Variants in AJAP1 observed in about 807,000 individuals in gnomAD.
The protein encoded by AJAP1 is adherens junction-associated protein 1.
AJAP1 carries 5 observed loss-of-function variants against 35.0 expected under a neutral mutation model. The observed-to-expected ratio is 0.14, with a 90% confidence interval of 0.07 to 0.30. AJAP1 has a LOEUF of 0.30. AJAP1 is among the 10% of genes least tolerant of loss of function. The pLI, the probability that AJAP1 is intolerant of heterozygous loss-of-function variation, is 1.00. For synonymous variants in AJAP1, 284 were observed against 249.3 expected, an observed-to-expected ratio of 1.14 and a Z score of -1.31; for missense variants, 586 against 571.0, an observed-to-expected ratio of 1.03 and a Z score of -0.27.
At chr1:4,774,314 T>G in intron 4 of AJAP1, 113 bp from the exon 5 acceptor site, 3 of 961,988 alleles carry the variant, frequency 3.1e-6, no homozygotes, top group Non-Finnish European at 5.0e-6. Flanking sequence ...GAGTCCACAT[T>G]AGTGCTTCCT....
At chr1:4,658,548 A>C (rs1638933192) in intron 1 of AJAP1, among the ~76,000 whole-genome samples, 1 of 152,152 alleles carries the variant, frequency 6.6e-6, no homozygotes, top group East Asian at 1.9e-4. Flanking sequence ...AATTGATTGC[A>C]ACTGGAATCT....
rs186655675 is a variant in AJAP1, at chr1:4,727,426, T to C, written c.829+14727T>C. On this transcript the variant is annotated intron_variant, in intron 2 of 5. Coordinates refer to ENST00000378191, the MANE Select transcript of AJAP1 (RefSeq NM_018836.4). Reference sequence around the variant, plus strand: ...AATGTCTCCCTTAAATGGCGTTGACTGCACAGGCACGTGGACCAGGGCCTC... The same window carrying C: ...AATGTCTCCCTTAAATGGCGTTGACCGCACAGGCACGTGGACCAGGGCCTC... Among the ~76,000 whole-genome samples, 434 of 152,348 alleles carry C rather than the reference T, an allele frequency of 2.8e-3. 2 individuals carry two copies. The highest frequency in any genetic ancestry group is 3.0e-3 in the Non-Finnish European group (206 of 68,026).
chr1:4,661,341 G>A (rs773207442), intron 1 of AJAP1, among the ~76,000 whole-genome samples: 2 of 152,220 alleles, frequency 1.3e-5, no homozygotes, highest in East Asian at 1.9e-4. Context: ...TGATCCAACG[G>A]TGCTAAACTG....
intron 1 of AJAP1, among the ~76,000 whole-genome samples, chr1:4,698,049 C>T (rs1306177906): frequency 1.3e-5 from 2 of 152,240 alleles, no homozygotes; most frequent in African/African-American, 2.4e-5. Flanking sequence ...AGCAGAGCCT[C>T]GCTTCTTTTC....
Position 4,720,154 on chromosome 1 carries a change from G to T in AJAP1, c.829+7455G>T, listed in dbSNP as rs192818043. Among the ~76,000 whole-genome samples, 954 of 152,292 alleles carry T rather than the reference G, an allele frequency of 6.3e-3. 6 individuals are homozygous for T. The highest frequency in any genetic ancestry group is 0.01 in the Non-Finnish European group (696 of 68,026). On this transcript the variant is annotated intron_variant, in intron 2 of 5. Transcript: ENST00000378191. This position sits in a 1 kb window ranked among gnomAD's most constrained non-coding sequence, Gnocchi z 4.4. ...CTCCCCAGGTGGTCACTGACACTCA[G>T]TCCCGGAGACTCAGCCAAATTCAGA...
At chr1:4,697,088 G>C (rs1639880607) in intron 1 of AJAP1, among the ~76,000 whole-genome samples, 1 of 152,210 alleles carries the variant, frequency 6.6e-6, no homozygotes, top group South Asian at 2.1e-4. Flanking sequence ...CTATGTGCCT[G>C]TGTTTTCTGT....
chr1:4,776,050 C>T (rs1641933700), intron 5 of AJAP1, among the ~76,000 whole-genome samples: 1 of 152,234 alleles, frequency 6.6e-6, no homozygotes, highest in African/African-American at 2.4e-5. Flanking sequence ...ATTCATTGAC[C>T]TGGGAGATGC....
intron 2 of AJAP1, among the ~76,000 whole-genome samples, chr1:4,765,250 G>A (rs1641653994): frequency 6.6e-6 from 1 of 152,214 alleles, no homozygotes; most frequent in South Asian, 2.1e-4. Context: ...GAAGTGGAGA[G>A]GGAAAAGTTT....
rs373334020 is a variant in AJAP1 at position 4,715,902 on chromosome 1, C to T, written c.829+3203C>T. ...GTTTTATCATCTCAGACACAGCCAG[C>T]TTTGCCACATACTGGGGGGCACCCC... On this transcript the variant is annotated intron_variant, in intron 2 of 5. Transcript: ENST00000378191. Among the ~76,000 whole-genome samples the T allele has an allele frequency of 1.6e-4, 24 of 152,328 alleles. No homozygotes were observed. In the South Asian group the frequency reaches 4.1e-3, roughly 26 times the overall value.
chr1:4,765,298 C>T (rs1641659030), intron 2 of AJAP1, among the ~76,000 whole-genome samples: 2 of 152,168 alleles, frequency 1.3e-5, no homozygotes, highest in African/African-American at 4.8e-5. Context: ...AGAGAGTGTG[C>T]TCCCTTTAGG....
rs749961477 is a variant in AJAP1 at position 4,772,507 on chromosome 1, C to G, written c.1145C>G (p.Ser382Cys). The change falls in exon 4 of 6, where the codon TCC becomes TGC. Residue 382 changes from serine (S) to cysteine (C), a missense_variant. Coordinates refer to ENST00000378191, the MANE Select transcript of AJAP1 (RefSeq NM_018836.4). ...CACTCGACGACGGGGGAGTACAAAT[C>G]CACATTTAATGGAAACCGGTAAGCT... ...TLHSTTGEYK[S>C]TFNGNRPSSS... 6.2e-7 allele frequency: 1 copy of G among 1,614,104 alleles called. No homozygotes were observed. The highest frequency in any genetic ancestry group is 1.1e-5 in the South Asian group (1 of 91,072).
chr1:4,779,372 G>A lies in AJAP1; in HGVS notation c.*60-3173G>A, dbSNP rs1382596984. ...TTTTTTTGAGACAGAGTCTCGCTCT[G>A]TCGCCCAGGCTGGAGTGCAGTGGCT... On this transcript the variant is annotated intron_variant, in intron 5 of 5. Transcript: ENST00000378191. 2.7e-5 allele frequency among the ~76,000 whole-genome samples: 4 copies of A among 147,982 alleles called. No individual in the cohort carries two copies. In the South Asian group the frequency reaches 6.5e-4, roughly 24 times the overall value.
rs1642099088 is a variant in AJAP1 at position 4,783,213 on chromosome 1, A to G, written c.*728A>G. 7.6e-6 allele frequency: 1 copy of G among 131,312 alleles called. No homozygotes were observed. Among genetic ancestry groups the G allele is most frequent in the African/African-American group, 4.4e-5 (1 of 22,712 alleles). The allele number at this position is 131,312 out of a possible 1,614,324, so 8.1% of individuals were successfully genotyped here. A position where few individuals can be genotyped will look rare whatever the true frequency, so the allele number is the denominator to read the frequency against. ...AACTCACGTCACACACATATTACAC[A>G]CATGTGCGCATTACACACACACAAT... On this transcript the variant is annotated 3_prime_UTR_variant, in exon 6 of 6. Transcript: ENST00000378191.
intron 5 of AJAP1, among the ~76,000 whole-genome samples, chr1:4,780,540 C>T (rs1642037751): frequency 6.6e-6 from 1 of 151,916 alleles, no homozygotes; most frequent in Non-Finnish European, 1.5e-5. Flanking sequence ...GGGTGGGGCA[C>T]AGCTGGAGTA....
chr1:4,676,005 T>C (rs1437426281), intron 1 of AJAP1, among the ~76,000 whole-genome samples: 1 of 152,328 alleles, frequency 6.6e-6, no homozygotes, highest in East Asian at 1.9e-4. Flanking sequence ...AAGCCCGTCT[T>C]GTGGGCTCCC....
intron 2 of AJAP1, among the ~76,000 whole-genome samples, chr1:4,724,913 G>A (rs1640613722): frequency 6.6e-6 from 1 of 152,212 alleles, no homozygotes; most frequent in Admixed American, 6.5e-5. Flanking sequence ...CACACTGGAG[G>A]GAGGTACAGT....
intron 2 of AJAP1, among the ~76,000 whole-genome samples, chr1:4,718,666 A>G (rs1355569244): frequency 1.3e-5 from 2 of 152,020 alleles, no homozygotes; most frequent in African/African-American, 4.8e-5. Context: ...TATTTTTAGT[A>G]GAGACAGGGT....
intron 2 of AJAP1, among the ~76,000 whole-genome samples, chr1:4,728,573 T>C (rs1640724820): frequency 1.3e-5 from 2 of 152,178 alleles, no homozygotes; most frequent in Non-Finnish European, 2.9e-5. Context: ...GGGCCTGGCC[T>C]GCTCCAGAGT....
At chr1:4,745,076 C>A (rs1641159817) in intron 2 of AJAP1, among the ~76,000 whole-genome samples, 1 of 152,088 alleles carries the variant, frequency 6.6e-6, no homozygotes, top group South Asian at 2.1e-4. Flanking sequence ...GTGAGCCCAT[C>A]CTAGCAGAAC....
Sources: allele counts gnomAD v4.1 joint callset (sites outside exome capture counted in the v4.1 genomes callset), GRCh38; gene constraint gnomAD v4.1.1; non-coding constraint Gnocchi (gnomAD v3.1); transcripts MANE v1.5; gene names NCBI Gene and HGNC (gene_info 2026-07-23, HGNC 2026-07-21).